CACNA1H: variants seen among roughly 807,000 people sequenced by gnomAD.
CACNA1H encodes calcium voltage-gated channel subunit alpha1 H, also known as voltage-dependent T-type calcium channel subunit alpha-1H.
CACNA1H carries 149 observed loss-of-function variants against 192.5 expected under a neutral mutation model. The ratio of observed to expected loss-of-function variants is 0.77; its 90% CI spans 0.68 to 0.89. The LOEUF (loss-of-function observed/expected upper bound fraction) is 0.89, where lower values mean the gene tolerates loss of function less well. Among genes scored for constraint, CACNA1H ranks in the 40% least tolerant of loss-of-function variants. The pLI, the probability that CACNA1H is intolerant of heterozygous loss-of-function variation, is 0.00. For synonymous variants in CACNA1H, 2,202 were observed against 1,475.2 expected, an observed-to-expected ratio of 1.49 and a Z score of -11.29; for missense variants, 4,257 against 3,423.5, an observed-to-expected ratio of 1.24 and a Z score of -6.08.
intron 9 of CACNA1H, 47 bp downstream of exon 9, chr16:1,202,499 A>C (rs1257878065): frequency 7.0e-6 from 10 of 1,422,370 alleles, no homozygotes; most frequent in African/African-American, 5.7e-5. Context: ...GGACCTAGGC[A>C]GGGCGGGCAG....
intron 2 of CACNA1H, among the ~76,000 whole-genome samples, chr16:1,171,988 G>A (rs1320184174): frequency 2.0e-5 from 3 of 152,214 alleles, no homozygotes; most frequent in Non-Finnish European, 4.4e-5. Flanking sequence ...CATGGGGTTC[G>A]CGTGGGCCCC....
rs563361414 is a variant in CACNA1H, at chr16:1,218,047, G to A, written c.5445+7G>A. On this transcript the variant is annotated splice_region_variant and intron_variant, in intron 32 of 34. Coordinates refer to ENST00000348261, the MANE Select transcript of CACNA1H (RefSeq NM_021098.3). Reference sequence around the variant, plus strand: ...CTGGAACGGGATCATGAAGGTACCCGCCGCGGCCATGCCTCTGGCACCTGG... The same window carrying A: ...CTGGAACGGGATCATGAAGGTACCCACCGCGGCCATGCCTCTGGCACCTGG... The A allele has an allele frequency of 5.6e-4, 890 of 1,596,614 alleles. 8 individuals are homozygous for A. The South Asian group carries it at 9.4e-3, about 17-fold the overall frequency.
At chr16:1,174,271 C>G (rs1964649662) in intron 2 of CACNA1H, among the ~76,000 whole-genome samples, 1 of 152,230 alleles carries the variant, frequency 6.6e-6, no homozygotes, top group South Asian at 2.1e-4. Context: ...ACCCCATGGC[C>G]ACGGGCCAGC....
chr16:1,181,736 C>T (rs1425542415), intron 2 of CACNA1H, among the ~76,000 whole-genome samples: 1 of 152,210 alleles, frequency 6.6e-6, no homozygotes, highest in East Asian at 1.9e-4. Flanking sequence ...GCCAACCTCT[C>T]CTTTCATTCC....
chr16:1,200,983 G>A (rs1348619368), intron 8 of CACNA1H, among the ~76,000 whole-genome samples, 175 bp downstream of exon 8: 6 of 152,082 alleles, frequency 3.9e-5, no homozygotes, highest in African/African-American at 1.2e-4. Flanking sequence ...GACCCCAAGA[G>A]GCCATGGCAT....
chr16:1,191,398 T>C (rs1364878274), intron 2 of CACNA1H, among the ~76,000 whole-genome samples: 1,054 of 49,286 alleles, frequency 0.021, 15 homozygotes, highest in African/African-American at 0.044. Flanking sequence ...CACTCGGGGT[T>C]TCGGTGACCC....
intron 6 of CACNA1H, 31 bp downstream of exon 6, chr16:1,198,805 G>A (rs779577828): frequency 1.8e-5 from 28 of 1,583,984 alleles, no homozygotes; most frequent in Admixed American, 5.3e-5. Flanking sequence ...TGAGGCCCCT[G>A]CCCAGATGGC....
intron 2 of CACNA1H, among the ~76,000 whole-genome samples, chr16:1,170,941 T>C (rs908373551): frequency 3.3e-5 from 5 of 152,134 alleles, no homozygotes; most frequent in African/African-American, 1.2e-4. Flanking sequence ...GGGTGCCTGG[T>C]CTGGGGGCCT....
At position 1,202,170 on chromosome 16, in the gene CACNA1H, A is replaced by G. The variant is rs1303813784; in HGVS notation, c.1720A>G (p.Ser574Gly). ...ACCCCCCGACGCAGAGTCTGTGCAC[A>G]GCATCTACCATGCCGACTGCCACAT... ...RGPPDAESVH[S>G]IYHADCHIEG... The change falls in exon 9 of 35, where the codon AGC becomes GGC. Residue 574 changes from serine to glycine, a missense_variant. Physicochemically the swap from Ser to Gly is moderately conservative, Grantham distance 56. Coordinates refer to ENST00000348261, the MANE Select transcript of CACNA1H (RefSeq NM_021098.3). 3.9e-6 allele frequency: 6 copies of G among 1,552,034 alleles called. 1 individual carries two copies. The highest frequency in any genetic ancestry group is 4.9e-5 in the East Asian group (2 of 40,988).
At chr16:1,165,936 G>T (rs1170438373) in intron 2 of CACNA1H, among the ~76,000 whole-genome samples, 1 of 152,182 alleles carries the variant, frequency 6.6e-6, no homozygotes, top group Non-Finnish European at 1.5e-5. Context: ...TGTGGGGCAA[G>T]AGTGGTGGGC....
chr16:1,207,814 C>T lies in CACNA1H; in HGVS notation c.3108C>T (p.Val1036=), dbSNP rs1176643514. The change falls in exon 15 of 35, where the codon GTC becomes GTT. Residue 1036 remains valine, a synonymous_variant. Transcript: ENST00000348261. ...RSDTDEDKTS[V]HFEEDFHKLR... ...ACACGGACGAGGACAAGACGTCGGT[C>T]CACTTCGAGGAGGACTTCCACAAGC... is the stretch of plus-strand genomic sequence containing the variant. 6 of 1,603,050 alleles carry T rather than the reference C, an allele frequency of 3.7e-6. No homozygotes were observed. Among genetic ancestry groups the T allele is most frequent in the East Asian group, 2.3e-5 (1 of 44,212 alleles).
intron 20 of CACNA1H, 24 bp downstream of exon 20, chr16:1,210,675 C>G (rs1969331826): frequency 1.3e-6 from 2 of 1,597,336 alleles, no homozygotes; most frequent in East Asian, 4.5e-5. Context: ...CGGGGACTGC[C>G]CTTGTTCCCA....
chr16:1,200,193 C>T (rs1452680064), intron 6 of CACNA1H, 63 bp from the exon 7 acceptor site: 15 of 1,362,030 alleles, frequency 1.1e-5, no homozygotes, highest in African/African-American at 2.9e-5. Context: ...ACAATCGTGC[C>T]CCCGACTCTG....
At position 1,214,452 on chromosome 16, in the gene CACNA1H, G is replaced by A. The variant is rs145506403; in HGVS notation, c.4930-520G>A. On this transcript the variant is annotated intron_variant, in intron 27 of 34. Coordinates refer to ENST00000348261, the MANE Select transcript of CACNA1H (RefSeq NM_021098.3). ...GCCAGAGGCCAGGAGCCTGGGCTGGGAGGGGCAGGATCTTCCCTCTCCGGA... is the reference window on the plus strand; with the variant it reads ...GCCAGAGGCCAGGAGCCTGGGCTGGAAGGGGCAGGATCTTCCCTCTCCGGA... 5.5e-3 allele frequency among the ~76,000 whole-genome samples: 843 copies of A among 152,328 alleles called. 6 individuals carry two copies. Among genetic ancestry groups the A allele is most frequent in the Non-Finnish European group, 9.8e-3 (666 of 68,026 alleles).
At chr16:1,178,588 G>C (rs560462299) in intron 2 of CACNA1H, among the ~76,000 whole-genome samples, 3 of 152,266 alleles carry the variant, frequency 2.0e-5, no homozygotes, top group South Asian at 2.1e-4. Flanking sequence ...GCATGGTCTC[G>C]GACTCCAGCC....
chr16:1,200,498 C>T lies in CACNA1H; in HGVS notation c.1046C>T (p.Ser349Leu), dbSNP rs756026742. 4.8e-5 allele frequency: 78 copies of T among 1,612,156 alleles called. No individual in the cohort carries two copies. The highest frequency in any genetic ancestry group is 2.5e-4 in the South Asian group (23 of 91,088). Residue 349 changes from serine to leucine, a missense_variant, in exon 7 of 35, where the codon TCG becomes TTG. Ser to Leu is a moderately radical substitution (Grantham distance 145). Transcript: ENST00000348261. ...AACCAGTACTACAACGTGTGCCGCT[C>T]GGGTGACTCCAACCCCCACAACGGT... ...NWNQYYNVCR[S>L]GDSNPHNGAI...
rs1596338080 is a variant in CACNA1H, at chr16:1,180,209, T to G, written c.300-14763T>G. Among the ~76,000 whole-genome samples the G allele has an allele frequency of 6.6e-6, 1 of 152,178 alleles. No homozygotes were observed. The highest frequency in any genetic ancestry group is 1.5e-5 in the Non-Finnish European group (1 of 68,026). On this transcript the variant is annotated intron_variant, in intron 2 of 34. Coordinates refer to ENST00000348261, the MANE Select transcript of CACNA1H (RefSeq NM_021098.3). This position sits in a 1 kb window ranked among gnomAD's most constrained non-coding sequence, Gnocchi z 4.4. ...GGCTCCTGGGTGCACAGGCAGGTGG[T>G]GTGCGTCCGCATTGCAGAACACGGG...
At position 1,217,913 on chromosome 16, in the gene CACNA1H, C is replaced by T. The variant is rs774110681; in HGVS notation, c.5324-6C>T. ...GGCTGACCGGGCGGGGTCTCCCTCCCCGCAGAGTGCAGTGAAGACAACCCC... is the reference window on the plus strand; with the variant it reads ...GGCTGACCGGGCGGGGTCTCCCTCCTCGCAGAGTGCAGTGAAGACAACCCC... On this transcript the variant is annotated splice_region_variant and splice_polypyrimidine_tract_variant and intron_variant, in intron 31 of 34. Coordinates refer to ENST00000348261, the MANE Select transcript of CACNA1H (RefSeq NM_021098.3). 2.8e-5 allele frequency: 45 copies of T among 1,597,940 alleles called. No individual in the cohort carries two copies. The highest frequency in any genetic ancestry group is 3.7e-5 in the Non-Finnish European group (43 of 1,173,110).
chr16:1,215,465 T>A, intron 29 of CACNA1H, 58 bp from the exon 30 acceptor site: 2 of 1,587,770 alleles, frequency 1.3e-6, no homozygotes, highest in South Asian at 2.3e-5. Context: ...GCGGCCAGGG[T>A]CCCCGCGCAG....
Sources: gnomAD v4.1 joint callset for allele counts (sites outside exome capture counted in the v4.1 genomes callset) on GRCh38, gnomAD v4.1.1 for gene constraint, Gnocchi (gnomAD v3.1) non-coding constraint, MANE v1.5 for transcripts, NCBI Gene and HGNC (gene_info 2026-07-23, HGNC 2026-07-21) for gene names.